Variants in DGKB observed in about 807,000 individuals in gnomAD.
DGKB encodes diacylglycerol kinase beta.
Under a neutral mutation model 114.3 loss-of-function variants are expected in DGKB, and 67 were observed. The ratio of observed to expected loss-of-function variants is 0.59; its 90% CI spans 0.48 to 0.72. DGKB has a LOEUF of 0.72. Ranked by LOEUF, DGKB falls within the 30% of genes least tolerant of loss-of-function variation. The probability of loss-of-function intolerance (pLI) is 0.00; values close to 1 mark genes in which losing one functional copy is unlikely to be tolerated. For synonymous variants in DGKB, 398 were observed against 323.1 expected (o/e 1.23, Z -2.49); for missense variants, 907 against 975.2 (o/e 0.93, Z 0.93).
At chr7:14,420,801 G>A (rs138557667) in intron 21 of DGKB, among the ~76,000 whole-genome samples, 96 of 152,194 alleles carry the variant, frequency 6.3e-4, no homozygotes, top group African/African-American at 2.3e-3. Context: ...GAGAAAGAAA[G>A]AGTAGCCCAC....
intron 1 of DGKB, among the ~76,000 whole-genome samples, chr7:14,923,963 AAC>A (rs1342464029): frequency 7.3e-6 from 1 of 137,692 alleles, no homozygotes; most frequent in Non-Finnish European, 1.5e-5. Flanking sequence ...CAACCTGGGC[AAC>A]ACAGTGAAGC....
intron 20 of DGKB, among the ~76,000 whole-genome samples, chr7:14,519,866 G>A (rs6958691): frequency 0.42 from 63,945 of 151,598 alleles, 14,251 homozygotes; most frequent in East Asian, 0.72. Context: ...TGAAATGTCT[G>A]TTTAAGTAAT....
intron 20 of DGKB, among the ~76,000 whole-genome samples, chr7:14,550,019 G>C (rs951159083): frequency 6.6e-6 from 1 of 151,344 alleles, no homozygotes; most frequent in Non-Finnish European, 1.5e-5. Flanking sequence ...GCCATTAGTT[G>C]CTTAATGAAC....
At chr7:14,220,022 C>T (rs1209469105) in intron 23 of DGKB, among the ~76,000 whole-genome samples, 1 of 151,584 alleles carries the variant, frequency 6.6e-6, no homozygotes, top group Non-Finnish European at 1.5e-5. Flanking sequence ...ATTATGAGAA[C>T]ATTATAGAGT....
chr7:14,659,011 T>C (rs1056763223), intron 13 of DGKB, among the ~76,000 whole-genome samples: 1 of 151,836 alleles, frequency 6.6e-6, no homozygotes, highest in African/African-American at 2.4e-5. Context: ...TATCAACCCA[T>C]CATCTAGGTT....
chr7:14,237,747 C>T lies in DGKB; in HGVS notation c.2123-59596G>A, dbSNP rs142577575. 1.8e-4 allele frequency among the ~76,000 whole-genome samples: 27 copies of T among 151,696 alleles called. No homozygotes were observed. In the East Asian group the frequency reaches 3.9e-3, roughly 22 times the overall value. ...CTAAAATGCATTGTTATCTTGGCACCGAAAAATAGATCATCTTTTTTAATT... is the reference window on the plus strand; with the variant it reads ...CTAAAATGCATTGTTATCTTGGCACTGAAAAATAGATCATCTTTTTTAATT... On this transcript the variant is annotated intron_variant, in intron 23 of 25. Coordinates refer to ENST00000402815, the MANE Select transcript of DGKB (RefSeq NM_001350709.2).
chr7:14,945,798 T>C (rs1785839673), intron 1 of DGKB, among the ~76,000 whole-genome samples: 1 of 151,760 alleles, frequency 6.6e-6, no homozygotes, highest in Non-Finnish European at 1.5e-5. Context: ...GTACTTTTGT[T>C]ATTATTTAGA....
chr7:14,231,333 T>G (rs1335633834), intron 23 of DGKB, among the ~76,000 whole-genome samples: 1 of 151,866 alleles, frequency 6.6e-6, no homozygotes, highest in Non-Finnish European at 1.5e-5. Context: ...AGACAAGGTC[T>G]TACTATGTTG....
chr7:14,801,170 G>A (rs1397152264), intron 2 of DGKB, among the ~76,000 whole-genome samples: 1 of 152,052 alleles, frequency 6.6e-6, no homozygotes, highest in Non-Finnish European at 1.5e-5. Context: ...TAGGACTTAA[G>A]TTGCAGGATA....
At chr7:14,855,482 G>A (rs1455055776) in intron 1 of DGKB, among the ~76,000 whole-genome samples, 9 of 152,030 alleles carry the variant, frequency 5.9e-5, no homozygotes, top group Admixed American at 5.9e-4. Context: ...TTGACCAACA[G>A]ACATAGCTGA....
At chr7:14,403,817 G>A (rs1356970531) in intron 21 of DGKB, among the ~76,000 whole-genome samples, 1 of 151,854 alleles carries the variant, frequency 6.6e-6, no homozygotes, top group African/African-American at 2.4e-5. Flanking sequence ...ATGAGTCATG[G>A]AATCTGGCTA....
At chr7:14,429,562 A>G (rs1025565234) in intron 21 of DGKB, among the ~76,000 whole-genome samples, 12 of 152,258 alleles carry the variant, frequency 7.9e-5, no homozygotes, top group African/African-American at 2.6e-4. Context: ...CATGGAAGAT[A>G]TATCTGAAGA....
At chr7:14,852,487 C>CAAAAAAACAAAAAAAAAAAA (rs1554304213) in intron 1 of DGKB, among the ~76,000 whole-genome samples, 1 of 63,632 alleles carries the variant, frequency 1.6e-5, no homozygotes, top group Non-Finnish European at 3.0e-5. Flanking sequence ...TAGTGAAAGT[C>CAAAAAAACAAAAAAAAAAAA]AAAAAAAAAA....
At chr7:14,449,466 T>C (rs1831170175) in intron 21 of DGKB, among the ~76,000 whole-genome samples, 1 of 151,992 alleles carries the variant, frequency 6.6e-6, no homozygotes, top group South Asian at 2.1e-4. Flanking sequence ...TCACACATTC[T>C]TCCAAACACC....
rs73680449 is a variant in DGKB, at chr7:14,580,322, G to A, written c.1609+540C>T. ...ATCATCTGTTTACTTGTTAGTGTAAGGTCTCACATATGATTTTATGTGCCA... is the reference window on the plus strand; with the variant it reads ...ATCATCTGTTTACTTGTTAGTGTAAAGTCTCACATATGATTTTATGTGCCA... On this transcript the variant is annotated intron_variant, in intron 19 of 25. Coordinates refer to ENST00000402815, the MANE Select transcript of DGKB (RefSeq NM_001350709.2). Among the ~76,000 whole-genome samples, 575 of 152,214 alleles carry A rather than the reference G, an allele frequency of 3.8e-3. 1 individual carries two copies. The highest frequency in any genetic ancestry group is 0.013 in the African/African-American group (522 of 41,540).
At chr7:14,278,962 T>G (rs1258274087) in intron 23 of DGKB, among the ~76,000 whole-genome samples, 3 of 152,288 alleles carry the variant, frequency 2.0e-5, no homozygotes, top group South Asian at 2.1e-4. Context: ...CATTTCCATC[T>G]GAGATACGGG....
intron 25 of DGKB, among the ~76,000 whole-genome samples, chr7:14,168,527 A>G (rs1453422420): frequency 2.6e-5 from 4 of 152,250 alleles, no homozygotes; most frequent in Non-Finnish European, 5.9e-5. Context: ...CAACTGCTGA[A>G]AACTAAAGAC....
chr7:14,937,311 C>G (rs2128253107), intron 1 of DGKB, among the ~76,000 whole-genome samples: 1 of 152,028 alleles, frequency 6.6e-6, no homozygotes, highest in Non-Finnish European at 1.5e-5. Context: ...TAAAAAGACG[C>G]TCTCCTTTCA....
intron 6 of DGKB, among the ~76,000 whole-genome samples, chr7:14,704,813 A>G (rs1825897864): frequency 6.6e-6 from 1 of 152,132 alleles, no homozygotes; most frequent in Non-Finnish European, 1.5e-5. Flanking sequence ...CCAAAAACCC[A>G]TCTGTACATC....
Sources: allele counts gnomAD v4.1 joint callset (sites outside exome capture counted in the v4.1 genomes callset), GRCh38; gene constraint gnomAD v4.1.1; transcripts MANE v1.5; gene names NCBI Gene and HGNC (gene_info 2026-07-23, HGNC 2026-07-21).